The following SEMA7A variants were observed in gnomAD, a reference collection of about 807,000 sequenced individuals.
SEMA7A encodes semaphorin 7A (JohnMiltonHagen blood group), also known as semaphorin-7A.
A neutral mutation model predicts 67.5 loss-of-function variants in SEMA7A; 21 were observed. That is an observed-to-expected ratio of 0.31 (90% confidence interval 0.22 to 0.45). The LOEUF (loss-of-function observed/expected upper bound fraction) is 0.45, where lower values mean the gene tolerates loss of function less well. Ranked by LOEUF, SEMA7A falls within the 20% of genes least tolerant of loss-of-function variation. The pLI, the probability that SEMA7A is intolerant of heterozygous loss-of-function variation, is 1.00. For missense variants in SEMA7A, 774 were observed against 908.6 expected, an observed-to-expected ratio of 0.85 and a Z score of 1.90; for synonymous variants, 364 against 368.5, an observed-to-expected ratio of 0.99 and a Z score of 0.14.
At position 74,418,036 on chromosome 15, in the gene SEMA7A, A is replaced by G. The variant is rs1195081137; in HGVS notation, c.373-67T>C. On this transcript the variant is annotated intron_variant, in intron 3 of 13. Transcript: ENST00000261918. The stretch of plus-strand genomic sequence containing the variant: ...GGAAGGCCCTGGCAAGCCTAGCACT[A>G]GGACCCCCAGGATCAGGGAAGAAGG... 25 of 1,527,738 alleles carry G rather than the reference A, an allele frequency of 1.6e-5. 1 individual carries two copies. Among genetic ancestry groups the G allele is most frequent in the Non-Finnish European group, 1.9e-5 (21 of 1,107,620 alleles). The allele number at this position is 1,527,738 out of a possible 1,614,324, so 94.6% of individuals were successfully genotyped here.
chr15:74,429,678 C>T (rs1375008619), intron 1 of SEMA7A, among the ~76,000 whole-genome samples: 1 of 152,198 alleles, frequency 6.6e-6, no homozygotes. Context: ...CTCACTGCTG[C>T]GCCAGTCATA....
chr15:74,427,299 C>T, intron 1 of SEMA7A: 1 of 985,414 alleles, frequency 1.0e-6, no homozygotes, highest in Non-Finnish European at 1.2e-6. Flanking sequence ...GCAGCTCAGA[C>T]AGTGGAGAGA....
rs1474437755 is a variant in SEMA7A at position 74,422,601 on chromosome 15, C to G, written c.179-3649G>C. Among the ~76,000 whole-genome samples the G allele has an allele frequency of 3.3e-5, 5 of 152,214 alleles. No homozygotes were observed. In the South Asian group the frequency reaches 1.0e-3, roughly 32 times the overall value. On this transcript the variant is annotated intron_variant, in intron 1 of 13. Transcript: ENST00000261918. ...TGGTGGCAGGGCCAGCAAGGCCCAGCTCCGGCCAGATAGGAGGGCTGCAAG... is the reference window on the plus strand; with the variant it reads ...TGGTGGCAGGGCCAGCAAGGCCCAGGTCCGGCCAGATAGGAGGGCTGCAAG...
At position 74,428,106 on chromosome 15, in the gene SEMA7A, G is replaced by A. The variant is rs182586358; in HGVS notation, c.178+5635C>T. ...CGGGACACAGATCAACCTGTCCTTG[G>A]GACCTGAGGCCCAACCCACCTGAGG... On this transcript the variant is annotated intron_variant, in intron 1 of 13. Transcript: ENST00000261918. Among the ~76,000 whole-genome samples the A allele has an allele frequency of 2.1e-3, 326 of 152,330 alleles. 1 individual carries two copies. The highest frequency in any genetic ancestry group is 7.5e-3 in the African/African-American group (313 of 41,576).
chr15:74,427,210 A>T (rs1490648755), intron 1 of SEMA7A: 1 of 985,244 alleles, frequency 1.0e-6, no homozygotes, highest in Non-Finnish European at 1.2e-6. Context: ...ATGCTGTCTG[A>T]TGGGATTTCA....
chr15:74,424,858 C>A (rs1237901946), intron 1 of SEMA7A, among the ~76,000 whole-genome samples: 2 of 152,224 alleles, frequency 1.3e-5, no homozygotes, highest in African/African-American at 4.8e-5. Flanking sequence ...GTTCCAAAAG[C>A]CCCAGAGTGG....
Position 74,414,984 on chromosome 15 carries a change from G to T in SEMA7A, c.987-38C>A. ...GGAGACCAGCTCAATGGGGGGCCCAGAACCCACCCATCCACCTCCACTCAC... is the reference window on the plus strand; with the variant it reads ...GGAGACCAGCTCAATGGGGGGCCCATAACCCACCCATCCACCTCCACTCAC... On this transcript the variant is annotated intron_variant, in intron 8 of 13. Transcript: ENST00000261918. This position sits in a 1 kb window ranked among gnomAD's most constrained non-coding sequence, Gnocchi z 4.1. 1 of 1,553,544 alleles carries T rather than the reference G, an allele frequency of 6.4e-7. No individual in the cohort carries two copies. Among genetic ancestry groups the T allele is most frequent in the Non-Finnish European group, 8.9e-7 (1 of 1,128,414 alleles).
At chr15:74,425,738 C>G (rs1298531781) in intron 1 of SEMA7A, among the ~76,000 whole-genome samples, 3 of 152,186 alleles carry the variant, frequency 2.0e-5, no homozygotes, top group African/African-American at 4.8e-5. Flanking sequence ...ACCTTGACAC[C>G]GTTTCCAGCT....
chr15:74,411,630 G>A lies in SEMA7A; in HGVS notation c.1503C>T (p.His501=), dbSNP rs376890546. 30 of 1,609,888 alleles carry A rather than the reference G, an allele frequency of 1.9e-5. No homozygotes were observed. Among genetic ancestry groups the A allele is most frequent in the African/African-American group, 1.3e-4 (10 of 74,802 alleles). Residue 501 remains histidine (H), a synonymous_variant, in exon 12 of 14, where the codon CAC becomes CAT. Coordinates refer to ENST00000261918, the MANE Select transcript of SEMA7A (RefSeq NM_003612.5). The surrounding 1 kb of genome is among the most constrained non-coding windows in gnomAD (Gnocchi z 4.4). ...AGGGGTCTCGGGACATGAGGCAACC[G>A]TGGCAGCCCCCGCCATAGACCTCAC... ...DLCEVYGGGC[H]GCLMSRDPYC...
In SEMA7A at chr15:74,416,656, G is replaced by C; in HGVS notation, c.720C>G (p.Ile240Met). ...GATTGTCCTCTCGGAAGAAGTAGTA[G>C]ATCTTGTCATCGTAAGCCTGGTCTT... is the stretch of plus-strand genomic sequence containing the variant. ...VHQDQAYDDK[I>M]YYFFREDNPD... The change falls in exon 7 of 14, where the codon ATC (isoleucine) becomes ATG (methionine). Residue 240 changes from isoleucine to methionine, a missense_variant. This residue lies in a region of SEMA7A where 347 missense variants were observed against 353.2 expected (regional missense o/e 0.98). Coordinates refer to ENST00000261918, the MANE Select transcript of SEMA7A (RefSeq NM_003612.5). 6.2e-7 allele frequency: 1 copy of C among 1,614,074 alleles called. No homozygotes were observed.
intron 1 of SEMA7A, among the ~76,000 whole-genome samples, chr15:74,430,969 G>C (rs557281973): frequency 1.3e-5 from 2 of 152,330 alleles, no homozygotes; most frequent in African/African-American, 2.4e-5. Context: ...TGAGACTGGG[G>C]ATATGGGTTC....
At chr15:74,416,506 A>G in intron 7 of SEMA7A, 69 bp downstream of exon 7, 1 of 1,532,988 alleles carries the variant, frequency 6.5e-7, no homozygotes, top group Middle Eastern at 1.8e-4. Flanking sequence ...ACGGACACAC[A>G]GAACTCACCC....
intron 1 of SEMA7A, among the ~76,000 whole-genome samples, chr15:74,422,346 A>C (rs1195109672): frequency 3.3e-5 from 5 of 151,970 alleles, no homozygotes; most frequent in Non-Finnish European, 7.4e-5. Flanking sequence ...CTGACGCATT[A>C]GTGGCTAAGT....
rs776375115 is a variant in SEMA7A, at chr15:74,418,872, C to G, written c.259G>C (p.Val87Leu). 34 of 1,613,786 alleles carry G rather than the reference C, an allele frequency of 2.1e-5. No homozygotes were observed. The South Asian group carries it at 3.3e-4, about 16-fold the overall frequency. ...ACCTTGCCACGTCCTCCCACCCACA[C>G]AGAGGAGCTGCCTGGCTCGTGGAAA... ...VLFHEPGSSS[V>L]WVGGRGKVYL... Residue 87 changes from valine (V) to leucine (L), a missense_variant, in exon 2 of 14, where the codon GTG (valine) becomes CTG (leucine). Physicochemically the swap from Val to Leu is conservative, Grantham distance 32. Around this residue, in one of 2 missense-constraint regions of SEMA7A, gnomAD observed 347 missense variants for 353.2 expected, o/e 0.98. Coordinates refer to ENST00000261918, the MANE Select transcript of SEMA7A (RefSeq NM_003612.5).
Position 74,411,749 on chromosome 15 carries a change from C to T in SEMA7A, c.1423-39G>A, listed in dbSNP as rs1203353026. 6 of 1,608,238 alleles carry T rather than the reference C, an allele frequency of 3.7e-6. No individual in the cohort carries two copies. The highest frequency in any genetic ancestry group is 2.2e-5 in the East Asian group (1 of 44,864). On this transcript the variant is annotated intron_variant, in intron 11 of 13. Coordinates refer to ENST00000261918, the MANE Select transcript of SEMA7A (RefSeq NM_003612.5). The surrounding 1 kb of genome is among the most constrained non-coding windows in gnomAD (Gnocchi z 4.4). ...AGGATTGGGTCAGGCCCGGGCCCCACCCCACACTCAGTCCTAAATGTCCAG... is the reference window on the plus strand; with the variant it reads ...AGGATTGGGTCAGGCCCGGGCCCCATCCCACACTCAGTCCTAAATGTCCAG...
chr15:74,412,094 G>T, intron 10 of SEMA7A, 82 bp from the exon 11 acceptor site: 1 of 1,545,894 alleles, frequency 6.5e-7, no homozygotes, highest in African/African-American at 1.4e-5. Context: ...GGGAGGGGTG[G>T]GAAGTCACAA....
chr15:74,430,445 G>C (rs2141292965), intron 1 of SEMA7A, among the ~76,000 whole-genome samples: 1 of 152,294 alleles, frequency 6.6e-6, no homozygotes, highest in Non-Finnish European at 1.5e-5. Context: ...CTGGGGTTCA[G>C]TAAAAGGCAA....
chr15:74,418,670 A>G, intron 2 of SEMA7A, 131 bp downstream of exon 2: 1 of 1,009,562 alleles, frequency 9.9e-7, no homozygotes, highest in Non-Finnish European at 1.5e-6. Flanking sequence ...CCCAGGAGCC[A>G]TTTATAGGAT....
rs1330390848 is a variant in SEMA7A at position 74,423,508 on chromosome 15, T to A, written c.179-4556A>T. ...TCTCTCCAGGATCACATCCTGGGCT[T>A]CCTGGAGAGCCTCTGATTTGCAAAA... On this transcript the variant is annotated intron_variant, in intron 1 of 13. Coordinates refer to ENST00000261918, the MANE Select transcript of SEMA7A (RefSeq NM_003612.5). The surrounding 1 kb of genome is among the most constrained non-coding windows in gnomAD (Gnocchi z 4.1). 6.6e-6 allele frequency among the ~76,000 whole-genome samples: 1 copy of A among 152,118 alleles called. No homozygotes were observed. Among genetic ancestry groups the A allele is most frequent in the Admixed American group, 6.5e-5 (1 of 15,288 alleles).
Sources: gnomAD v4.1 joint callset for allele counts (sites outside exome capture counted in the v4.1 genomes callset) on GRCh38, gnomAD v4.1.1 for gene constraint, gnomAD v4.1.1 regional missense constraint, Gnocchi (gnomAD v3.1) non-coding constraint, MANE v1.5 for transcripts, NCBI Gene and HGNC (gene_info 2026-07-23, HGNC 2026-07-21) for gene names.